Variants in NTN1 observed in about 807,000 individuals in gnomAD.
NTN1 encodes netrin-1.
Under a neutral mutation model 54.2 loss-of-function variants are expected in NTN1, and 11 were observed. That is an observed-to-expected ratio of 0.20 (90% CI 0.13 to 0.34). The LOEUF (loss-of-function observed/expected upper bound fraction) is 0.34. Among genes scored for constraint, NTN1 ranks in the 10% least tolerant of loss-of-function variants. The pLI is 1.00. For missense variants in NTN1, 740 were observed against 893.1 expected, an observed-to-expected ratio of 0.83 and a Z score of 2.18; for synonymous variants, 371 against 382.0, an observed-to-expected ratio of 0.97 and a Z score of 0.33.
At chr17:9,077,841 C>T (rs184217998) in intron 2 of NTN1, among the ~76,000 whole-genome samples, 15 of 152,258 alleles carry the variant, frequency 9.9e-5, no homozygotes, top group East Asian at 7.7e-4. Flanking sequence ...GAGGCAGGAC[C>T]GGTGTTCAAT....
intron 2 of NTN1, among the ~76,000 whole-genome samples, chr17:9,084,973 T>C (rs1026277981): frequency 6.6e-6 from 1 of 152,146 alleles, no homozygotes; most frequent in Admixed American, 6.5e-5. Flanking sequence ...TTTCTAACAC[T>C]TTTTTCTGAT....
chr17:9,075,803 G>A (rs892266014), intron 2 of NTN1, among the ~76,000 whole-genome samples: 3 of 134,510 alleles, frequency 2.2e-5, no homozygotes, highest in Non-Finnish European at 4.7e-5. Flanking sequence ...GGACAGAAGT[G>A]AGGGGAAGAC....
At chr17:9,144,792 C>G (rs1013124389) in intron 2 of NTN1, among the ~76,000 whole-genome samples, 1 of 152,252 alleles carries the variant, frequency 6.6e-6, no homozygotes, top group Non-Finnish European at 1.5e-5. Context: ...TGCGGTCCAG[C>G]TTCTGCCTAA....
At chr17:9,017,643 C>CATA (rs1456401100), upstream of NTN1, among the ~76,000 whole-genome samples, 1 of 152,226 alleles carries the variant, frequency 6.6e-6, no homozygotes. Context: ...CCTCTCAACG[C>CATA]ATTCCTTGCA....
chr17:9,042,702 A>G (rs1273350206), intron 2 of NTN1, among the ~76,000 whole-genome samples: 1 of 151,628 alleles, frequency 6.6e-6, no homozygotes, highest in East Asian at 1.9e-4. Context: ...CAGAAGAATC[A>G]CTTGAACCCA....
At chr17:9,111,667 G>A (rs1010911440) in intron 2 of NTN1, among the ~76,000 whole-genome samples, 2 of 152,122 alleles carry the variant, frequency 1.3e-5, no homozygotes, top group Admixed American at 6.5e-5. Flanking sequence ...TGATAACATC[G>A]ACAGTCAATT....
intron 2 of NTN1, among the ~76,000 whole-genome samples, chr17:9,142,243 C>T (rs536386123): frequency 1.3e-5 from 2 of 151,118 alleles, no homozygotes; most frequent in Non-Finnish European, 2.9e-5. Flanking sequence ...GAGTTGAGAT[C>T]GTGCCATTGC....
intron 2 of NTN1, among the ~76,000 whole-genome samples, chr17:9,048,314 CTTTT>C (rs34970192): frequency 1.1e-4 from 16 of 148,928 alleles, no homozygotes; most frequent in Non-Finnish European, 1.2e-4. Flanking sequence ...TGAAAGGAAT[CTTTT>C]TTTTTTTTTT....
intron 5 of NTN1, among the ~76,000 whole-genome samples, chr17:9,213,782 C>T (rs981134289): frequency 1.2e-4 from 18 of 152,256 alleles, no homozygotes; most frequent in Admixed American, 1.0e-3. Flanking sequence ...CCTCTGAAAC[C>T]ATCTCTATCC....
chr17:9,099,149 A>T (rs981498566), intron 2 of NTN1, among the ~76,000 whole-genome samples: 3 of 152,238 alleles, frequency 2.0e-5, no homozygotes, highest in Non-Finnish European at 4.4e-5. Context: ...CACGCTTGTG[A>T]TCCCAGCACT....
At chr17:9,097,213 C>G (rs2092134704) in intron 2 of NTN1, among the ~76,000 whole-genome samples, 1 of 152,192 alleles carries the variant, frequency 6.6e-6, no homozygotes, top group African/African-American at 2.4e-5. Flanking sequence ...GTCAGAAATT[C>G]AAACGCTGCT....
At chr17:9,198,038 C>G (rs1387273517) in intron 5 of NTN1, among the ~76,000 whole-genome samples, 1 of 152,204 alleles carries the variant, frequency 6.6e-6, no homozygotes, top group Non-Finnish European at 1.5e-5. Context: ...GCCATCCACC[C>G]AGGTTATCGG....
the NTN1 span, among the ~76,000 whole-genome samples, chr17:9,010,731 TGGGTTGCAATTAA>T: frequency 2.0e-5 from 3 of 152,162 alleles, no homozygotes; most frequent in Non-Finnish European, 4.4e-5. Context: ...TTGGTATCAA[TGGGTTGCAATTAA>T]GGGCTGTAGG....
At chr17:9,063,795 G>T (rs895841843) in intron 2 of NTN1, among the ~76,000 whole-genome samples, 1 of 150,938 alleles carries the variant, frequency 6.6e-6, no homozygotes, top group Non-Finnish European at 1.5e-5. Flanking sequence ...TGATCCGCCC[G>T]CCTCGGCCTC....
chr17:9,127,377 A>G (rs2092251024), intron 2 of NTN1, among the ~76,000 whole-genome samples: 1 of 152,048 alleles, frequency 6.6e-6, no homozygotes, highest in Non-Finnish European at 1.5e-5. Context: ...GAAGGAAAGC[A>G]ATGACCCGTG....
At chr17:9,016,455 T>C in the NTN1 span, among the ~76,000 whole-genome samples, 1 of 152,220 alleles carries the variant, frequency 6.6e-6, no homozygotes, top group African/African-American at 2.4e-5. Context: ...CCCCACCTCA[T>C]AGTCTTCTCT....
chr17:9,071,966 TCCACATC>T (rs1374657285), intron 2 of NTN1, among the ~76,000 whole-genome samples: 3 of 152,194 alleles, frequency 2.0e-5, no homozygotes, highest in Non-Finnish European at 4.4e-5. Flanking sequence ...TGCTGCAGTT[TCCACATC>T]CCTGGGGAGG....
Position 9,243,775 on chromosome 17 carries a change from A to ATTGT in NTN1, c.*3811_*3814dup, listed in dbSNP as rs1440234640. 2.7e-5 allele frequency: 4 copies of ATTGT among 149,606 alleles called. No homozygotes were observed. Among genetic ancestry groups the ATTGT allele is most frequent in the Non-Finnish European group, 4.4e-5 (3 of 67,658 alleles). 9.3% of individuals were successfully genotyped at this position (149,606 alleles called of 1,614,324 possible). ...AAATGTTTAGTTGTGACCATGACGTATTGTTTGGGTCAATGTCCCTTTCCA... is the reference window on the plus strand; with the variant it reads ...AAATGTTTAGTTGTGACCATGACGTATTGTTTGTTTGGGTCAATGTCCCTTTCCA... On this transcript the variant is annotated 3_prime_UTR_variant, in exon 7 of 7. Coordinates refer to ENST00000173229, the MANE Select transcript of NTN1 (RefSeq NM_004822.3).
At chr17:9,008,494 T>C in the NTN1 span, among the ~76,000 whole-genome samples, 1 of 151,944 alleles carries the variant, frequency 6.6e-6, no homozygotes, top group Non-Finnish European at 1.5e-5. Context: ...TGATATTTTT[T>C]GTATTTTCAG....
Sources: gnomAD v4.1 joint callset for allele counts (sites outside exome capture counted in the v4.1 genomes callset) on GRCh38, gnomAD v4.1.1 for gene constraint, MANE v1.5 for transcripts, NCBI Gene and HGNC (gene_info 2026-07-23, HGNC 2026-07-21) for gene names.